The following PTPRS variants were observed in gnomAD, a reference collection of about 807,000 sequenced individuals.
PTPRS encodes protein tyrosine phosphatase receptor type S, also known as receptor-type tyrosine-protein phosphatase S.
PTPRS carries 63 observed loss-of-function variants against 215.3 expected under a neutral mutation model. The observed-to-expected ratio is 0.29, with a 90% confidence interval of 0.24 to 0.36. PTPRS has a LOEUF of 0.36. Ranked by LOEUF, PTPRS falls within the 10% of genes least tolerant of loss-of-function variation. The pLI is 1.00. For synonymous variants in PTPRS, 1,404 were observed against 1,191.4 expected, an observed-to-expected ratio of 1.18 and a Z score of -3.68; for missense variants, 2,258 against 2,825.8, an observed-to-expected ratio of 0.80 and a Z score of 4.56.
chr19:5,229,130 C>T (rs559671352), intron 16 of PTPRS, among the ~76,000 whole-genome samples, 186 bp downstream of exon 16: 8 of 152,328 alleles, frequency 5.3e-5, no homozygotes, highest in Admixed American at 1.3e-4. Flanking sequence ...CCGAGTATCC[C>T]ATTTCCCTGG....
chr19:5,240,865 A>G (rs962785730), intron 11 of PTPRS, among the ~76,000 whole-genome samples: 28 of 145,778 alleles, frequency 1.9e-4, no homozygotes, highest in African/African-American at 7.1e-4. Flanking sequence ...ATAAATAAAA[A>G]TAAAAAAAAT....
Position 5,238,771 on chromosome 19 carries a change from T to A in PTPRS, c.1849+148A>T. 5.3e-6 allele frequency: 6 copies of A among 1,140,454 alleles called. No homozygotes were observed. In the South Asian group the frequency reaches 1.1e-4, roughly 21 times the overall value. The allele number at this position is 1,140,454 out of a possible 1,614,324, so 70.6% of individuals were successfully genotyped here. ...CTGAGGCACAGCGCGGGTAGATGGA[T>A]CCGAGGTCGGGGAACAAAGCGGAGA... On this transcript the variant is annotated intron_variant, in intron 13 of 37. Transcript: ENST00000262963.
intron 1 of PTPRS, among the ~76,000 whole-genome samples, chr19:5,322,188 C>T (rs1321816146): frequency 6.6e-6 from 1 of 152,266 alleles, no homozygotes; most frequent in African/African-American, 2.4e-5. Flanking sequence ...CGGAAGCCCT[C>T]CCCAGCTCTG....
chr19:5,214,437 T>A lies in PTPRS; in HGVS notation c.4538A>T (p.Tyr1513Phe), dbSNP rs760418863. The change falls in exon 30 of 38, where the codon TAC becomes TTC. Residue 1513 changes from tyrosine to phenylalanine, a missense_variant. Around this residue, in one of 6 missense-constraint regions of PTPRS, gnomAD observed 927 missense variants for 1,125.9 expected, o/e 0.82. Transcript: ENST00000262963. Reference protein sequence around the residue: ...QYWPNRGTETYGFIQVTLLDT... With the variant: ...QYWPNRGTETFGFIQVTLLDT... ...TAGCAACGTGACCTGGATGAAGCCG[T>A]AGGTCTCCGTGCCTCTGTTGGGCCA... is the stretch of plus-strand genomic sequence containing the variant. 27 of 1,614,046 alleles carry A rather than the reference T, an allele frequency of 1.7e-5. No homozygotes were observed. The highest frequency in any genetic ancestry group is 4.0e-5 in the African/African-American group (3 of 74,944).
chr19:5,260,920 T>C, intron 6 of PTPRS, 98 bp from the exon 7 acceptor site: 1 of 1,416,196 alleles, frequency 7.1e-7, no homozygotes, highest in Non-Finnish European at 9.8e-7. Flanking sequence ...AAGCCAGGCC[T>C]CAGCACTCTG....
chr19:5,226,108 A>AC (rs1205174842), intron 16 of PTPRS, among the ~76,000 whole-genome samples: 1 of 151,646 alleles, frequency 6.6e-6, no homozygotes, highest in African/African-American at 2.4e-5. Context: ...CCTTGCCATC[A>AC]CCCCCGACAG....
intron 1 of PTPRS, among the ~76,000 whole-genome samples, chr19:5,289,675 C>T (rs1568575994): frequency 6.6e-6 from 1 of 152,250 alleles, no homozygotes; most frequent in Non-Finnish European, 1.5e-5. Context: ...TGCCCCCGGG[C>T]CTTTGCGTGG....
intron 35 of PTPRS, among the ~76,000 whole-genome samples, chr19:5,208,879 C>T (rs571259397): frequency 2.6e-5 from 4 of 152,166 alleles, no homozygotes; most frequent in Non-Finnish European, 5.9e-5. Flanking sequence ...TCCTATTCAC[C>T]ATGATCCTCT....
chr19:5,229,010 C>T (rs1248140888), intron 16 of PTPRS, among the ~76,000 whole-genome samples: 2 of 152,210 alleles, frequency 1.3e-5, no homozygotes, highest in East Asian at 1.9e-4. Flanking sequence ...ACCCAGGAGG[C>T]TTAAGCCCCA....
At chr19:5,286,934 G>C (rs2048398710) in intron 1 of PTPRS, among the ~76,000 whole-genome samples, 3 of 152,128 alleles carry the variant, frequency 2.0e-5, no homozygotes, top group East Asian at 1.9e-4. Flanking sequence ...CAACTCACAG[G>C]CTGCTTCTCA....
At chr19:5,262,328 T>G (rs2146326813) in intron 6 of PTPRS, among the ~76,000 whole-genome samples, 1 of 152,310 alleles carries the variant, frequency 6.6e-6, no homozygotes, top group East Asian at 1.9e-4. Flanking sequence ...TTCTATCAAG[T>G]GGAAACAATG....
intron 8 of PTPRS, among the ~76,000 whole-genome samples, chr19:5,256,343 T>C (rs1037835732): frequency 2.0e-5 from 3 of 151,526 alleles, no homozygotes; most frequent in Non-Finnish European, 4.4e-5. Flanking sequence ...ACATACAAGA[T>C]CTACTACATT....
In PTPRS at chr19:5,222,273, G is replaced by A. The variant is rs2042042253; in HGVS notation, c.3104-53C>T. 22 of 1,457,768 alleles carry A rather than the reference G, an allele frequency of 1.5e-5. No homozygotes were observed. The South Asian group carries it at 2.3e-4, about 15-fold the overall frequency. The allele number at this position is 1,457,768 out of a possible 1,614,324, so 90.3% of individuals were successfully genotyped here. A position where few individuals can be genotyped will look rare whatever the true frequency, so the allele number is the denominator to read the frequency against. Reference sequence around the variant, plus strand: ...AGAGCAGAAGAGAGGCCCCATGAGTGCCTGGCACTGGGTGGCGTGAAGCGG... The same window carrying A: ...AGAGCAGAAGAGAGGCCCCATGAGTACCTGGCACTGGGTGGCGTGAAGCGG... On this transcript the variant is annotated intron_variant, in intron 18 of 37. Coordinates refer to ENST00000262963, the MANE Select transcript of PTPRS (RefSeq NM_002850.4).
intron 1 of PTPRS, 70 bp from the exon 2 acceptor site, chr19:5,286,304 G>T: frequency 1.4e-6 from 1 of 724,938 alleles, no homozygotes; most frequent in Non-Finnish European, 2.3e-6. Flanking sequence ...AGGAGGCAGA[G>T]GGAGGGTCAC....
intron 8 of PTPRS, among the ~76,000 whole-genome samples, chr19:5,256,687 T>C (rs1225426529): frequency 6.6e-6 from 1 of 152,060 alleles, no homozygotes; most frequent in Non-Finnish European, 1.5e-5. Context: ...TCACCAGAGG[T>C]GCCGTGACAG....
intron 25 of PTPRS, among the ~76,000 whole-genome samples, chr19:5,217,562 A>G (rs986699890): frequency 6.6e-6 from 1 of 152,230 alleles, no homozygotes; most frequent in Non-Finnish European, 1.5e-5. Flanking sequence ...AAAGTACATC[A>G]GGAATGGCAT....
chr19:5,216,671 G>A (rs746264845), intron 26 of PTPRS, 49 bp downstream of exon 26: 1 of 1,425,262 alleles, frequency 7.0e-7, no homozygotes, highest in South Asian at 1.2e-5. Context: ...AAGAGGAAAT[G>A]AACGGGGGCG....
At chr19:5,255,774 C>CA (rs2045503863) in intron 9 of PTPRS, among the ~76,000 whole-genome samples, 1 of 152,146 alleles carries the variant, frequency 6.6e-6, no homozygotes, top group Non-Finnish European at 1.5e-5. Flanking sequence ...ACGAGGAGTG[C>CA]AAAAAACTTA....
At chr19:5,305,016 TC>T (rs1237843944) in intron 1 of PTPRS, among the ~76,000 whole-genome samples, 40 of 151,852 alleles carry the variant, frequency 2.6e-4, no homozygotes, top group African/African-American at 9.4e-4. Context: ...GCATGACCTC[TC>T]TAGGTGGCTC....
Sources: allele counts gnomAD v4.1 joint callset (sites outside exome capture counted in the v4.1 genomes callset), GRCh38; gene constraint gnomAD v4.1.1; regional missense constraint gnomAD v4.1.1; transcripts MANE v1.5; gene names NCBI Gene and HGNC (gene_info 2026-07-23, HGNC 2026-07-21).